Variants in SGCZ observed in about 807,000 individuals in gnomAD.
SGCZ encodes zeta-sarcoglycan.
A neutral mutation model predicts 41.3 loss-of-function variants in SGCZ; 40 were observed. The observed-to-expected ratio is 0.97, with a 90% CI of 0.75 to 1.26. The LOEUF is 1.26. Ranked by LOEUF, SGCZ falls within the 50% of genes most tolerant of loss-of-function variation. SGCZ has a pLI of 0.00. For synonymous variants in SGCZ, 206 were observed against 137.5 expected (o/e 1.50, Z -3.49); for missense variants, 552 against 369.8 (o/e 1.49, Z -4.04).
chr8:14,101,266 A>G (rs566452177), intron 7 of SGCZ, among the ~76,000 whole-genome samples: 1 of 149,390 alleles, frequency 6.7e-6, no homozygotes, highest in African/African-American at 2.4e-5. Context: ...GAGGCACAGT[A>G]AGAGAAAGAA....
intron 4 of SGCZ, among the ~76,000 whole-genome samples, chr8:14,171,428 C>G (rs916273370): frequency 4.6e-5 from 7 of 151,878 alleles, no homozygotes; most frequent in African/African-American, 1.7e-4. Flanking sequence ...TGTAACATAA[C>G]TTGTTTAGTT....
At chr8:14,563,303 A>C (rs1433518873) in intron 1 of SGCZ, among the ~76,000 whole-genome samples, 3 of 152,176 alleles carry the variant, frequency 2.0e-5, no homozygotes, top group African/African-American at 7.2e-5. Flanking sequence ...ATTTTCTAAA[A>C]TGGAAGTGGA....
intron 1 of SGCZ, among the ~76,000 whole-genome samples, chr8:14,734,206 G>C (rs1173879920): frequency 6.6e-6 from 1 of 152,098 alleles, no homozygotes. Context: ...GGCCGAAAAA[G>C]AATACGACAA....
chr8:14,930,319 T>C (rs1268626486), intron 1 of SGCZ, among the ~76,000 whole-genome samples: 1 of 151,926 alleles, frequency 6.6e-6, no homozygotes, highest in Non-Finnish European at 1.5e-5. Context: ...TGGCGATCAT[T>C]AAAAAGTCAG....
At chr8:14,780,908 G>T (rs918974304) in intron 1 of SGCZ, among the ~76,000 whole-genome samples, 17 of 152,078 alleles carry the variant, frequency 1.1e-4, no homozygotes, top group African/African-American at 3.9e-4. Context: ...AATTTTCAAA[G>T]TTAAAGAAAA....
chr8:14,723,974 T>A (rs994766111), intron 1 of SGCZ, among the ~76,000 whole-genome samples: 2 of 152,122 alleles, frequency 1.3e-5, no homozygotes, highest in African/African-American at 4.8e-5. Flanking sequence ...ATTAATGGAC[T>A]AATTCTTAAG....
At chr8:14,889,086 A>G (rs1223158269) in intron 1 of SGCZ, among the ~76,000 whole-genome samples, 2 of 152,192 alleles carry the variant, frequency 1.3e-5, no homozygotes, top group Non-Finnish European at 2.9e-5. Context: ...TATAATTGGC[A>G]TAATACTCCT....
intron 2 of SGCZ, among the ~76,000 whole-genome samples, chr8:14,470,348 T>C (rs1013116855): frequency 6.6e-6 from 1 of 152,184 alleles, no homozygotes; most frequent in South Asian, 2.1e-4. Flanking sequence ...TGTTGGCACA[T>C]AGTAGCACTT....
intron 2 of SGCZ, among the ~76,000 whole-genome samples, chr8:14,527,070 C>G (rs578014882): frequency 1.2e-3 from 177 of 151,966 alleles, no homozygotes; most frequent in Non-Finnish European, 2.2e-3. Context: ...TCCCAGCCCT[C>G]ACTAGCATGT....
At chr8:14,645,221 C>A (rs941559326) in intron 1 of SGCZ, among the ~76,000 whole-genome samples, 5 of 151,300 alleles carry the variant, frequency 3.3e-5, no homozygotes, top group Non-Finnish European at 5.9e-5. Context: ...AAATTTTTGG[C>A]TATAAAAGGG....
intron 3 of SGCZ, among the ~76,000 whole-genome samples, chr8:14,262,315 T>C (rs1799702389): frequency 6.6e-6 from 1 of 152,178 alleles, no homozygotes; most frequent in African/African-American, 2.4e-5. Flanking sequence ...ATCATTTCAG[T>C]TGCCTTACGT....
Position 14,680,963 on chromosome 8 carries a change from G to GAAA in SGCZ, c.40-126038_40-126037insTTT, listed in dbSNP as rs374278969. 3.0e-3 allele frequency among the ~76,000 whole-genome samples: 315 copies of GAAA among 106,130 alleles called. 13 individuals carry two copies. The highest frequency in any genetic ancestry group is 9.9e-3 in the African/African-American group (227 of 22,952). The allele number at this position is 106,130 out of a possible 152,430, so 69.6% of individuals were successfully genotyped here. A position where few individuals can be genotyped will look rare whatever the true frequency, so the allele number is the denominator to read the frequency against. ...TGAAACATACAGAGGAAAAAGAGTG[G>GAAA]GAAAAAAAAAAAAAAAAACAGAAAA... is the stretch of plus-strand genomic sequence containing the variant. On this transcript the variant is annotated intron_variant, in intron 1 of 7. Transcript: ENST00000382080.
intron 5 of SGCZ, among the ~76,000 whole-genome samples, chr8:14,156,164 A>C (rs145501790): frequency 6.6e-6 from 1 of 152,098 alleles, no homozygotes; most frequent in African/African-American, 2.4e-5. Context: ...GGCGACGCTG[A>C]ATTTATTTAA....
intron 1 of SGCZ, among the ~76,000 whole-genome samples, chr8:14,746,521 C>A (rs960034541): frequency 6.6e-6 from 1 of 152,092 alleles, no homozygotes. Flanking sequence ...TTCACTCTCT[C>A]CCCTCCCACT....
chr8:14,307,919 A>G (rs369141242), intron 3 of SGCZ, among the ~76,000 whole-genome samples: 103 of 152,234 alleles, frequency 6.8e-4, no homozygotes, highest in African/African-American at 2.4e-3. Context: ...TTAACTCTCC[A>G]ATTCCTTAAA....
intron 3 of SGCZ, among the ~76,000 whole-genome samples, chr8:14,296,234 G>A (rs1801008548): frequency 6.6e-6 from 1 of 152,118 alleles, no homozygotes; most frequent in Admixed American, 6.5e-5. Flanking sequence ...ATAAAACCCT[G>A]ACTCTTAACA....
At chr8:14,230,367 G>C (rs1806518011) in intron 4 of SGCZ, among the ~76,000 whole-genome samples, 1 of 152,190 alleles carries the variant, frequency 6.6e-6, no homozygotes, top group Non-Finnish European at 1.5e-5. Flanking sequence ...TGCATACTAT[G>C]CTCCAGGAAG....
chr8:14,516,015 T>C (rs1802609632), intron 2 of SGCZ, among the ~76,000 whole-genome samples: 1 of 152,032 alleles, frequency 6.6e-6, no homozygotes, highest in Non-Finnish European at 1.5e-5. Flanking sequence ...AATTTAAGAA[T>C]TACATGTTAA....
intron 1 of SGCZ, among the ~76,000 whole-genome samples, chr8:14,572,108 A>G (rs1554453712): frequency 1.3e-5 from 2 of 152,320 alleles, no homozygotes; most frequent in Non-Finnish European, 1.5e-5. Context: ...TGTTTTCATG[A>G]TACAGCATTA....
Sources: gnomAD v4.1 joint callset for allele counts (sites outside exome capture counted in the v4.1 genomes callset) on GRCh38, gnomAD v4.1.1 for gene constraint, MANE v1.5 for transcripts, NCBI Gene and HGNC (gene_info 2026-07-23, HGNC 2026-07-21) for gene names.